Variants in SHISA9 observed in about 807,000 individuals in gnomAD.
SHISA9 encodes the protein protein shisa-9.
Under a neutral mutation model 38.0 loss-of-function variants are expected in SHISA9, and 13 were observed. The observed-to-expected ratio is 0.34, with a 90% confidence interval of 0.22 to 0.54. The LOEUF is 0.54. SHISA9 is among the 20% of genes least tolerant of loss of function. The pLI is 0.91. For synonymous variants in SHISA9, 275 were observed against 242.0 expected, an observed-to-expected ratio of 1.14 and a Z score of -1.27; for missense variants, 538 against 575.8, an observed-to-expected ratio of 0.93 and a Z score of 0.67.
At chr16:13,317,210 G>C in the SHISA9 span, among the ~76,000 whole-genome samples, 53 of 152,322 alleles carry the variant, frequency 3.5e-4, no homozygotes, top group Non-Finnish European at 5.7e-4. Flanking sequence ...CAGAGAGTGG[G>C]ACATGGGCAA....
At chr16:13,279,088 A>G in the SHISA9 span, among the ~76,000 whole-genome samples, 2 of 151,762 alleles carry the variant, frequency 1.3e-5, no homozygotes, top group African/African-American at 4.8e-5. Context: ...GCTGTATCCC[A>G]GAGGGTTTGC....
At chr16:13,138,952 G>C (rs545607451) in intron 2 of SHISA9, among the ~76,000 whole-genome samples, 1 of 152,156 alleles carries the variant, frequency 6.6e-6, no homozygotes, top group East Asian at 1.9e-4. Flanking sequence ...GCATCTATTA[G>C]GACACCCTGA....
At chr16:13,361,511 A>T in the SHISA9 span, among the ~76,000 whole-genome samples, 1 of 152,216 alleles carries the variant, frequency 6.6e-6, no homozygotes, top group Admixed American at 6.5e-5. Flanking sequence ...TCCCTACAGA[A>T]ATGATGCCTT....
At chr16:13,092,724 G>A (rs1252149829) in intron 2 of SHISA9, among the ~76,000 whole-genome samples, 1 of 152,216 alleles carries the variant, frequency 6.6e-6, no homozygotes, top group African/African-American at 2.4e-5. Context: ...CAGGTAGTCT[G>A]TTGTGGCTTC....
chr16:13,019,903 C>CTT (rs1423638341), intron 2 of SHISA9, among the ~76,000 whole-genome samples: 5 of 46,414 alleles, frequency 1.1e-4, no homozygotes, highest in African/African-American at 2.7e-4. Context: ...TTCTTTCTTT[C>CTT]TTTCTTTCTT....
chr16:13,010,795 T>C (rs2072663207), intron 2 of SHISA9, among the ~76,000 whole-genome samples: 2 of 152,004 alleles, frequency 1.3e-5, no homozygotes, highest in South Asian at 4.2e-4. Context: ...CTACTAAAAA[T>C]ACAAAAATCA....
intron 2 of SHISA9, among the ~76,000 whole-genome samples, chr16:13,019,122 C>A (rs1029038874): frequency 6.6e-6 from 1 of 152,166 alleles, no homozygotes; most frequent in Non-Finnish European, 1.5e-5. Context: ...GCCTTACCCT[C>A]CCGAGTAGCT....
At chr16:13,536,001 C>CA in the SHISA9 span, among the ~76,000 whole-genome samples, 1 of 144,710 alleles carries the variant, frequency 6.9e-6, no homozygotes, top group African/African-American at 2.6e-5. Context: ...ATATTTTTTT[C>CA]TTTTTTTTTT....
chr16:13,118,121 G>C (rs1369549788), intron 2 of SHISA9, among the ~76,000 whole-genome samples: 1 of 151,380 alleles, frequency 6.6e-6, no homozygotes. Context: ...GGCGGAGGTT[G>C]CAGTGAGTGG....
intron 2 of SHISA9, among the ~76,000 whole-genome samples, chr16:12,991,902 A>G (rs1379089043): frequency 2.0e-5 from 3 of 152,180 alleles, no homozygotes. Flanking sequence ...TAGCTTATCC[A>G]TCCGATGGGT....
chr16:13,324,110 G>C, the SHISA9 span, among the ~76,000 whole-genome samples: 1 of 152,188 alleles, frequency 6.6e-6, no homozygotes, highest in South Asian at 2.1e-4. Flanking sequence ...CTTCTGCAAT[G>C]ATTGCAAGCT....
Position 13,156,007 on chromosome 16 carries a change from A to C in SHISA9, c.692-47387A>C, listed in dbSNP as rs116436769. On this transcript the variant is annotated intron_variant, in intron 2 of 4. Coordinates refer to ENST00000558583, the MANE Select transcript of SHISA9 (RefSeq NM_001145204.3). ...TATTTAAGTGAGTGGGGTGGTGGGA[A>C]TGTGTTTACACAGCAAAAAAACGCA... Among the ~76,000 whole-genome samples the C allele has an allele frequency of 7.6e-3, 1,158 of 152,266 alleles. 11 individuals carry two copies. The highest frequency in any genetic ancestry group is 0.026 in the African/African-American group (1,077 of 41,550).
intron 2 of SHISA9, among the ~76,000 whole-genome samples, chr16:13,006,095 C>T (rs1178723549): frequency 1.3e-5 from 2 of 152,212 alleles, no homozygotes; most frequent in Admixed American, 6.5e-5. Flanking sequence ...CTCTGAGAGA[C>T]TGACTTCAGA....
At chr16:13,408,327 C>A in the SHISA9 span, among the ~76,000 whole-genome samples, 1 of 152,042 alleles carries the variant, frequency 6.6e-6, no homozygotes, top group African/African-American at 2.4e-5. Context: ...AAAGCCACAG[C>A]AGGTTACAAA....
the SHISA9 span, among the ~76,000 whole-genome samples, chr16:13,422,833 T>C: frequency 6.6e-6 from 1 of 152,228 alleles, no homozygotes; most frequent in Non-Finnish European, 1.5e-5. Flanking sequence ...TTAGTGAGAT[T>C]CAGTCCCCAA....
chr16:13,006,526 T>C (rs1430163133), intron 2 of SHISA9, among the ~76,000 whole-genome samples: 1 of 152,232 alleles, frequency 6.6e-6, no homozygotes, highest in African/African-American at 2.4e-5. Context: ...GGGGACTTCA[T>C]TTATTCACTT....
intron 2 of SHISA9, among the ~76,000 whole-genome samples, chr16:12,937,399 A>C (rs1320597495): frequency 6.6e-6 from 1 of 152,246 alleles, no homozygotes; most frequent in Non-Finnish European, 1.5e-5. Flanking sequence ...CTGTTCTCAC[A>C]AAGATATTCT....
At chr16:13,171,709 T>C (rs1337751732) in intron 2 of SHISA9, among the ~76,000 whole-genome samples, 1 of 149,084 alleles carries the variant, frequency 6.7e-6, no homozygotes, top group Non-Finnish European at 1.5e-5. Flanking sequence ...GGCACGAGGC[T>C]GGAGGGGTGG....
chr16:13,133,384 T>C (rs204019), intron 2 of SHISA9, among the ~76,000 whole-genome samples: 11,076 of 152,188 alleles, frequency 0.073, 425 homozygotes, highest in Admixed American at 0.089. Context: ...TTGAAAAAAG[T>C]AATAGTTTGG....
Sources: gnomAD v4.1 joint callset for allele counts (sites outside exome capture counted in the v4.1 genomes callset) on GRCh38, gnomAD v4.1.1 for gene constraint, MANE v1.5 for transcripts, NCBI Gene and HGNC (gene_info 2026-07-23, HGNC 2026-07-21) for gene names.